The following SHC3 variants were observed in gnomAD, a reference collection of about 807,000 sequenced individuals.
The protein encoded by SHC3 is SHC-transforming protein 3.
A neutral mutation model predicts 60.4 loss-of-function variants in SHC3; 15 were observed. That is an observed-to-expected ratio of 0.25 (90% CI 0.17 to 0.38). The LOEUF is 0.38. SHC3 is among the 10% of genes least tolerant of loss of function. SHC3 has a pLI of 1.00. For missense variants in SHC3, 677 were observed against 786.1 expected (o/e 0.86, Z 1.66); for synonymous variants, 294 against 325.9 (o/e 0.90, Z 1.05).
chr9:89,057,587 G>A (rs1824976919), intron 6 of SHC3, among the ~76,000 whole-genome samples: 1 of 151,862 alleles, frequency 6.6e-6, no homozygotes, highest in Non-Finnish European at 1.5e-5. Flanking sequence ...CAGTGATTTG[G>A]CCTCCAGGTA....
intron 7 of SHC3, among the ~76,000 whole-genome samples, chr9:89,048,736 G>C (rs995013650): frequency 6.6e-6 from 1 of 152,198 alleles, no homozygotes; most frequent in African/African-American, 2.4e-5. Flanking sequence ...CCAGAGAATG[G>C]GGCTGGAACA....
chr9:89,049,920 C>G (rs1006062471), intron 7 of SHC3, among the ~76,000 whole-genome samples: 3 of 152,012 alleles, frequency 2.0e-5, no homozygotes, highest in Non-Finnish European at 4.4e-5. Context: ...CTGGAGTCAC[C>G]GAGTCTACTC....
At chr9:89,177,475 C>A (rs182620347) in intron 1 of SHC3, among the ~76,000 whole-genome samples, 2 of 152,228 alleles carry the variant, frequency 1.3e-5, no homozygotes, top group African/African-American at 4.8e-5. Context: ...GAGAAAGCAG[C>A]ACAGCATTTG....
In SHC3 at chr9:89,125,756, G is replaced by A. The variant is rs115663930; in HGVS notation, c.475-13130C>T. 6.8e-3 allele frequency among the ~76,000 whole-genome samples: 1,029 copies of A among 152,198 alleles called. 11 individuals are homozygous for A. The highest frequency in any genetic ancestry group is 0.023 in the African/African-American group (973 of 41,528). ...TGACAGTTTACAAATGCCAGGCAAC[G>A]TCACGAGCTTACTTTATATTGTCTT... On this transcript the variant is annotated intron_variant, in intron 1 of 11. Transcript: ENST00000375835.
intron 11 of SHC3, among the ~76,000 whole-genome samples, chr9:89,020,633 G>T (rs999522581): frequency 6.6e-6 from 1 of 152,148 alleles, no homozygotes; most frequent in Non-Finnish European, 1.5e-5. Context: ...CTCTTGCAGG[G>T]GCTGGCACAA....
At chr9:89,112,042 TTGG>T in intron 2 of SHC3, among the ~76,000 whole-genome samples, 1 of 152,318 alleles carries the variant, frequency 6.6e-6, no homozygotes, top group South Asian at 2.1e-4. Flanking sequence ...TTGATTCTAC[TTGG>T]TGGTGGAGAA....
At chr9:89,040,288 T>G (rs55801047) in intron 10 of SHC3, among the ~76,000 whole-genome samples, 14 of 92,452 alleles carry the variant, frequency 1.5e-4, no homozygotes, top group East Asian at 2.3e-4. Context: ...ATCACCACCA[T>G]CATCACATCA....
chr9:89,159,677 A>G (rs955413016), intron 1 of SHC3, among the ~76,000 whole-genome samples: 1 of 152,238 alleles, frequency 6.6e-6, no homozygotes, highest in African/African-American at 2.4e-5. Context: ...GAGCCAGTCC[A>G]AGTCCCAAAA....
rs148421527 is a variant in SHC3 at position 89,056,307 on chromosome 9, C to T, written c.836-4144G>A. Among the ~76,000 whole-genome samples the T allele has an allele frequency of 2.6e-3, 399 of 152,214 alleles. 1 individual carries two copies. Among genetic ancestry groups the T allele is most frequent in the Non-Finnish European group, 4.6e-3 (314 of 68,010 alleles). On this transcript the variant is annotated intron_variant, in intron 6 of 11. Transcript: ENST00000375835. ...TGTCGCCCAGGCTGGAGTGCAATGG[C>T]GCGATCTTGGCTCACTGCAACCTCA... is the stretch of plus-strand genomic sequence containing the variant.
chr9:89,163,610 G>A (rs1826743172), intron 1 of SHC3, among the ~76,000 whole-genome samples: 1 of 102,248 alleles, frequency 9.8e-6, no homozygotes, highest in South Asian at 4.9e-4. Context: ...GGGGGGAGGG[G>A]GGAGGGATAG....
intron 2 of SHC3, among the ~76,000 whole-genome samples, chr9:89,099,664 T>C (rs999673694): frequency 2.6e-5 from 4 of 152,312 alleles, no homozygotes; most frequent in Middle Eastern, 3.4e-3. Flanking sequence ...CAGCTTCAAG[T>C]GTGCCCATGC....
chr9:89,061,652 T>G (rs1825092184), intron 6 of SHC3, among the ~76,000 whole-genome samples: 1 of 152,242 alleles, frequency 6.6e-6, no homozygotes, highest in African/African-American at 2.4e-5. Context: ...TTCCACAGTT[T>G]CAGTTACCCA....
At chr9:89,165,871 C>T (rs1308230927) in intron 1 of SHC3, among the ~76,000 whole-genome samples, 3 of 152,186 alleles carry the variant, frequency 2.0e-5, no homozygotes, top group Non-Finnish European at 2.9e-5. Context: ...GAGCCCATGA[C>T]GCTTGTCTCA....
chr9:89,116,386 G>A (rs982227567), intron 1 of SHC3, among the ~76,000 whole-genome samples: 15 of 152,076 alleles, frequency 9.9e-5, no homozygotes, highest in Admixed American at 1.3e-4. Flanking sequence ...ACAGAGTGAT[G>A]TGGATACACC....
intron 1 of SHC3, among the ~76,000 whole-genome samples, chr9:89,144,082 A>G (rs755419896): frequency 4.6e-5 from 7 of 152,216 alleles, no homozygotes; most frequent in Non-Finnish European, 7.3e-5. Context: ...GAGAAAGTAT[A>G]GCTTGAAGTT....
intron 11 of SHC3, among the ~76,000 whole-genome samples, chr9:89,023,633 T>C (rs1187281701): frequency 6.6e-6 from 1 of 152,214 alleles, no homozygotes; most frequent in African/African-American, 2.4e-5. Flanking sequence ...TCAGTAGAAA[T>C]TAATTTTTCA....
chr9:89,153,631 A>C (rs1826578155), intron 1 of SHC3, among the ~76,000 whole-genome samples: 2 of 152,222 alleles, frequency 1.3e-5, no homozygotes, highest in Admixed American at 1.3e-4. Flanking sequence ...TCACCCCAGC[A>C]AGTCTCAACC....
At chr9:89,074,866 C>A (rs1405416892) in intron 4 of SHC3, among the ~76,000 whole-genome samples, 2 of 149,192 alleles carry the variant, frequency 1.3e-5, no homozygotes, top group Admixed American at 6.7e-5. Flanking sequence ...TTTTTTTTTA[C>A]ATTGCAAGTA....
At chr9:89,075,666 G>T (rs779128326) in intron 3 of SHC3, among the ~76,000 whole-genome samples, 1 of 152,214 alleles carries the variant, frequency 6.6e-6, no homozygotes, top group Non-Finnish European at 1.5e-5. Flanking sequence ...AGCTCTAGGG[G>T]ATTACAAGAA....
Sources: allele counts gnomAD v4.1 joint callset (sites outside exome capture counted in the v4.1 genomes callset), GRCh38; gene constraint gnomAD v4.1.1; transcripts MANE v1.5; gene names NCBI Gene and HGNC (gene_info 2026-07-23, HGNC 2026-07-21).